The following KCNB2 variants were observed in gnomAD, a reference collection of about 807,000 sequenced individuals.
The protein encoded by KCNB2 is delayed rectifier potassium channel protein.
A neutral mutation model predicts 61.5 loss-of-function variants in KCNB2; 15 were observed. The observed-to-expected ratio is 0.24, with a 90% CI of 0.16 to 0.38. KCNB2 has a LOEUF of 0.38. KCNB2 is among the 10% of genes least tolerant of loss of function. The pLI, the probability that KCNB2 is intolerant of heterozygous loss-of-function variation, is 1.00. For missense variants in KCNB2, 828 were observed against 1,125.2 expected (o/e 0.74, Z 3.78); for synonymous variants, 457 against 446.0 (o/e 1.02, Z -0.31).
intron 2 of KCNB2, among the ~76,000 whole-genome samples, chr8:72,623,101 C>G (rs1356601150): frequency 6.6e-6 from 1 of 152,158 alleles, no homozygotes; most frequent in Non-Finnish European, 1.5e-5. Flanking sequence ...GTTAATTATA[C>G]TGCCATTTCA....
chr8:72,548,563 G>A (rs1806296902), intron 1 of KCNB2, among the ~76,000 whole-genome samples: 1 of 152,160 alleles, frequency 6.6e-6, no homozygotes, highest in African/African-American at 2.4e-5. Context: ...GTGTTGGGAA[G>A]TATACCCTTC....
intron 2 of KCNB2, among the ~76,000 whole-genome samples, chr8:72,717,543 A>T (rs1324848778): frequency 6.6e-6 from 1 of 152,224 alleles, no homozygotes; most frequent in Non-Finnish European, 1.5e-5. Flanking sequence ...GACAAACCTG[A>T]CAAAAACAAG....
chr8:72,821,451 G>A (rs577801873), intron 2 of KCNB2, among the ~76,000 whole-genome samples: 1 of 152,134 alleles, frequency 6.6e-6, no homozygotes, highest in African/African-American at 2.4e-5. Flanking sequence ...GGCCTTGGAT[G>A]ATGCTTAGCT....
chr8:72,862,616 T>A (rs539704394), intron 2 of KCNB2, among the ~76,000 whole-genome samples: 5 of 152,354 alleles, frequency 3.3e-5, no homozygotes, highest in African/African-American at 1.2e-4. Flanking sequence ...GACAGGAGTT[T>A]CCAGTTTCCT....
At chr8:72,871,328 G>A (rs1215889234) in intron 2 of KCNB2, among the ~76,000 whole-genome samples, 5 of 152,150 alleles carry the variant, frequency 3.3e-5, no homozygotes, top group African/African-American at 1.2e-4. Flanking sequence ...ATTAACAAAT[G>A]AATGCATACC....
At chr8:72,670,578 A>G (rs532921915) in intron 2 of KCNB2, among the ~76,000 whole-genome samples, 6 of 152,254 alleles carry the variant, frequency 3.9e-5, no homozygotes, top group African/African-American at 1.2e-4. Flanking sequence ...TTCAATGCCT[A>G]TATGATTGCC....
chr8:72,561,533 G>T (rs1303232885), intron 1 of KCNB2, among the ~76,000 whole-genome samples: 1 of 150,038 alleles, frequency 6.7e-6, no homozygotes, highest in Non-Finnish European at 1.5e-5. Flanking sequence ...ACTTTCTAAG[G>T]ACAAGGACAG....
intron 2 of KCNB2, among the ~76,000 whole-genome samples, chr8:72,832,958 A>G (rs1281730616): frequency 6.6e-6 from 1 of 152,262 alleles, no homozygotes; most frequent in African/African-American, 2.4e-5. Context: ...GAACAAAGGC[A>G]GCCATGCCTC....
intron 2 of KCNB2, among the ~76,000 whole-genome samples, chr8:72,816,660 T>C (rs1013005327): frequency 5.3e-5 from 8 of 152,214 alleles, no homozygotes; most frequent in Non-Finnish European, 1.0e-4. Flanking sequence ...AAGAATGCCC[T>C]ACCAAGCTTA....
At chr8:72,894,314 G>A (rs537892256) in intron 2 of KCNB2, among the ~76,000 whole-genome samples, 12 of 152,254 alleles carry the variant, frequency 7.9e-5, no homozygotes, top group African/African-American at 2.4e-4. Flanking sequence ...AGGTGGAGGG[G>A]GAAGGAGATG....
chr8:72,755,494 T>C lies in KCNB2; in HGVS notation c.580-180441T>C, dbSNP rs199760814. On this transcript the variant is annotated intron_variant, in intron 2 of 2. Transcript: ENST00000523207. Reference sequence around the variant, plus strand: ...TCTAAAACTGTTCTAAAAAATAAAGTTTATTTTCTAAAATTACATTAAAAG... The same window carrying C: ...TCTAAAACTGTTCTAAAAAATAAAGCTTATTTTCTAAAATTACATTAAAAG... Among the ~76,000 whole-genome samples the C allele has an allele frequency of 3.9e-5, 6 of 152,334 alleles. No homozygotes were observed. In the East Asian group the frequency reaches 1.2e-3, roughly 29 times the overall value.
intron 2 of KCNB2, among the ~76,000 whole-genome samples, chr8:72,724,267 G>A (rs1457696314): frequency 1.3e-5 from 2 of 152,208 alleles, no homozygotes; most frequent in Admixed American, 6.5e-5. Context: ...TTATGGCCAG[G>A]AAAATCAATC....
At chr8:72,935,866 G>T in intron 2 of KCNB2, 69 bp from the exon 3 acceptor site, 1 of 1,035,154 alleles carries the variant, frequency 9.7e-7, no homozygotes, top group South Asian at 1.4e-5. Context: ...AACAATCACC[G>T]ACCCATCTGT....
At chr8:72,870,723 C>CT (rs1354285526) in intron 2 of KCNB2, among the ~76,000 whole-genome samples, 1 of 152,186 alleles carries the variant, frequency 6.6e-6, no homozygotes, top group Non-Finnish European at 1.5e-5. Flanking sequence ...TGACAAAGCA[C>CT]TACAAAAATG....
At position 72,673,939 on chromosome 8, in the gene KCNB2, G is replaced by A. The variant is rs570144684; in HGVS notation, c.579+105626G>A. The stretch of plus-strand genomic sequence containing the variant: ...TGTACACCTAAAAATTATTTAAATG[G>A]TGATTTTTATGTTAGGTATATTTTA... On this transcript the variant is annotated intron_variant, in intron 2 of 2. Transcript: ENST00000523207. Among the ~76,000 whole-genome samples, 3 of 152,286 alleles carry A rather than the reference G, an allele frequency of 2.0e-5. No individual in the cohort carries two copies. The East Asian group carries it at 5.8e-4, about 29-fold the overall frequency.
intron 2 of KCNB2, among the ~76,000 whole-genome samples, chr8:72,882,556 A>AGAGAG (rs10691208): frequency 2.0e-4 from 29 of 142,698 alleles, no homozygotes; most frequent in South Asian, 9.0e-4. Flanking sequence ...AGAGAGAGAG[A>AGAGAG]ATGTGTGTCT....
intron 2 of KCNB2, among the ~76,000 whole-genome samples, chr8:72,928,861 C>T (rs997398787): frequency 6.6e-6 from 1 of 150,908 alleles, no homozygotes; most frequent in Non-Finnish European, 1.5e-5. Flanking sequence ...TCATGTAAAC[C>T]ATTGCTTAAG....
intron 2 of KCNB2, among the ~76,000 whole-genome samples, chr8:72,725,306 G>T (rs1021423034): frequency 3.0e-4 from 46 of 151,372 alleles, no homozygotes; most frequent in Non-Finnish European, 5.0e-4. Context: ...ACAGTTCTAG[G>T]CATGGAGCCA....
At chr8:72,840,734 T>G (rs1809867364) in intron 2 of KCNB2, among the ~76,000 whole-genome samples, 1 of 152,246 alleles carries the variant, frequency 6.6e-6, no homozygotes, top group Non-Finnish European at 1.5e-5. Context: ...TCATATCCTT[T>G]GCGCACTTTT....
Sources: gnomAD v4.1 joint callset for allele counts (sites outside exome capture counted in the v4.1 genomes callset) on GRCh38, gnomAD v4.1.1 for gene constraint, MANE v1.5 for transcripts, NCBI Gene and HGNC (gene_info 2026-07-23, HGNC 2026-07-21) for gene names.